The following AK3 variants were observed in gnomAD, a reference collection of about 807,000 sequenced individuals.
AK3 encodes the protein adenylate kinase 3.
AK3 carries 27 observed loss-of-function variants against 23.7 expected under a neutral mutation model. That is an observed-to-expected ratio of 1.14 (90% CI 0.84 to 1.57). The LOEUF (loss-of-function observed/expected upper bound fraction) is 1.57, where lower values mean the gene tolerates loss of function less well. Among genes scored for constraint, AK3 ranks in the 40% most tolerant of loss-of-function variants. The pLI, the probability that AK3 is intolerant of heterozygous loss-of-function variation, is 0.00. For synonymous variants in AK3, 159 were observed against 116.0 expected, an observed-to-expected ratio of 1.37 and a Z score of -2.38; for missense variants, 406 against 285.6, an observed-to-expected ratio of 1.42 and a Z score of -3.04.
intron 1 of AK3, among the ~76,000 whole-genome samples, chr9:4,728,294 G>A (rs7850522): frequency 0.5 from 75,480 of 152,090 alleles, 20,107 homozygotes; most frequent in East Asian, 0.74. Context: ...TGTTAGGCCA[G>A]GCACAATGGC....
chr9:4,741,062 C>G lies in AK3; in HGVS notation c.26G>C (p.Arg9Pro). Reference sequence around the variant, plus strand: ...GCCCGGGGCCCCCATGATCACCGCTCGCAGCAGCCGCGCGGACGCCCCCAT... The same window carrying G: ...GCCCGGGGCCCCCATGATCACCGCTGGCAGCAGCCGCGCGGACGCCCCCAT... MGASARLL[R>P]AVIMGAPGSG... is the part of the protein sequence containing the mutation. Residue 9 changes from arginine to proline, a missense_variant, in exon 1 of 5, where the codon CGA (arginine) becomes CCA (proline). Arg to Pro is a moderately radical substitution (Grantham distance 103). Coordinates refer to ENST00000381809, the MANE Select transcript of AK3 (RefSeq NM_016282.4). The G allele has an allele frequency of 1.3e-6, 2 of 1,555,730 alleles. No individual in the cohort carries two copies. The highest frequency in any genetic ancestry group is 1.2e-5 in the South Asian group (1 of 84,078).
At position 4,709,605 on chromosome 9, in the gene AK3, G is replaced by A. The variant is rs974407574; in HGVS notation, c.*3371C>T. 1.3e-5 allele frequency: 2 copies of A among 152,148 alleles called. No individual in the cohort carries two copies. Among genetic ancestry groups the A allele is most frequent in the Admixed American group, 1.3e-4 (2 of 15,264 alleles). The allele number at this position is 152,148 out of a possible 1,614,324, so 9.4% of individuals were successfully genotyped here. A position where few individuals can be genotyped will look rare whatever the true frequency, so the allele number is the denominator to read the frequency against. On this transcript the variant is annotated 3_prime_UTR_variant, in exon 5 of 5. Transcript: ENST00000381809. ...TTCAGTGCTATATATGGAAAAATCA[G>A]TGTTTATATTATTTAGTGAGCTAAA...
At chr9:4,721,848 T>C (rs1841905815) in intron 2 of AK3, among the ~76,000 whole-genome samples, 1 of 152,236 alleles carries the variant, frequency 6.6e-6, no homozygotes, top group African/African-American at 2.4e-5. Context: ...TCTACTAGAA[T>C]GTACTTTCCA....
rs191952056 is a variant in AK3, at chr9:4,734,402, C to T, written c.151+6535G>A. On this transcript the variant is annotated intron_variant, in intron 1 of 4. Coordinates refer to ENST00000381809, the MANE Select transcript of AK3 (RefSeq NM_016282.4). ...CCATCTGCCCTCCTGCTCCCATGCC[C>T]ACACTCTGTGAGCACCTAGTGAAAT... Among the ~76,000 whole-genome samples, 25 of 152,338 alleles carry T rather than the reference C, an allele frequency of 1.6e-4. No homozygotes were observed. The East Asian group carries it at 4.2e-3, about 26-fold the overall frequency.
chr9:4,737,820 C>T (rs1842333345), intron 1 of AK3, among the ~76,000 whole-genome samples: 2 of 152,192 alleles, frequency 1.3e-5, no homozygotes, highest in Non-Finnish European at 2.9e-5. Context: ...ACAGTTATTC[C>T]AGCTTTGCTA....
At chr9:4,735,411 A>G (rs1331042835) in intron 1 of AK3, among the ~76,000 whole-genome samples, 4 of 127,928 alleles carry the variant, frequency 3.1e-5, no homozygotes, top group African/African-American at 1.4e-4. Context: ...ATATATAAAT[A>G]TATATACATA....
At chr9:4,716,045 C>A (rs1306671285) in intron 4 of AK3, among the ~76,000 whole-genome samples, 2 of 152,104 alleles carry the variant, frequency 1.3e-5, no homozygotes, top group African/African-American at 4.8e-5. Context: ...GGAGGGCACA[C>A]CTGAGACTGA....
intron 4 of AK3, among the ~76,000 whole-genome samples, chr9:4,714,100 A>G (rs796102116): frequency 2.2e-5 from 2 of 91,338 alleles, no homozygotes; most frequent in African/African-American, 9.9e-5. Context: ...ACATATACAC[A>G]CCTACACATA....
chr9:4,722,019 A>G (rs959919775), intron 2 of AK3, among the ~76,000 whole-genome samples: 4 of 152,234 alleles, frequency 2.6e-5, no homozygotes, highest in African/African-American at 7.2e-5. Flanking sequence ...CCAAAAAAGG[A>G]TATTATGACT....
chr9:4,721,496 G>C (rs565549012), intron 2 of AK3, among the ~76,000 whole-genome samples: 23 of 150,260 alleles, frequency 1.5e-4, no homozygotes, highest in African/African-American at 5.1e-4. Context: ...ATCTCACTCT[G>C]TCACCCAGGC....
chr9:4,741,573 C>G (rs1214898110), upstream of AK3: 1 of 153,746 alleles, frequency 6.5e-6, no homozygotes, highest in Middle Eastern at 3.1e-3. Flanking sequence ...CCGCGCTCCC[C>G]TCTGTCCGAC....
At chr9:4,722,262 CAAAG>C (rs2130886205) in intron 2 of AK3, among the ~76,000 whole-genome samples, 1 of 152,260 alleles carries the variant, frequency 6.6e-6, no homozygotes, top group African/African-American at 2.4e-5. Flanking sequence ...AAAATATTCT[CAAAG>C]AAAGGGGAAA....
rs55840180 is a variant in AK3 at position 4,732,731 on chromosome 9, T to A, written c.151+8206A>T. The stretch of plus-strand genomic sequence containing the variant: ...ATAAAAAGCCATTTTAAATTCTGTA[T>A]CTCCCTTAAAAGTTTCATGTTACCC... On this transcript the variant is annotated intron_variant, in intron 1 of 4. Coordinates refer to ENST00000381809, the MANE Select transcript of AK3 (RefSeq NM_016282.4). Among the ~76,000 whole-genome samples the A allele has an allele frequency of 6.7e-3, 1,019 of 152,246 alleles. 8 individuals carry two copies. The highest frequency in any genetic ancestry group is 0.023 in the African/African-American group (973 of 41,540).
intron 4 of AK3, 132 bp downstream of exon 4, chr9:4,718,287 T>C: frequency 1.4e-6 from 1 of 693,686 alleles, no homozygotes; most frequent in Non-Finnish European, 2.6e-6. Flanking sequence ...AGCTAATGTA[T>C]TTCCTTTATT....
At position 4,741,088 on chromosome 9, in the gene AK3, G is replaced by A; in HGVS notation, c.-1C>T. The stretch of plus-strand genomic sequence containing the variant: ...GCAGCAGCCGCGCGGACGCCCCCAT[G>A]GCCGCAGACTGAGGCCCGCACCGCG... On this transcript the variant is annotated 5_prime_UTR_variant, in exon 1 of 5. Transcript: ENST00000381809. The A allele has an allele frequency of 6.5e-7, 1 of 1,533,578 alleles. No individual in the cohort carries two copies. The highest frequency in any genetic ancestry group is 8.8e-7 in the Non-Finnish European group (1 of 1,141,412). The allele number at this position is 1,533,578 out of a possible 1,614,324, so 95.0% of individuals were successfully genotyped here.
chr9:4,741,236 A>G, upstream of AK3: 1 of 902,948 alleles, frequency 1.1e-6, no homozygotes, highest in Non-Finnish European at 1.5e-6. Flanking sequence ...GTGAGCCGAC[A>G]GCCCCTGGGG....
At position 4,722,692 on chromosome 9, in the gene AK3, C is replaced by G. The variant is rs369322522; in HGVS notation, c.152-67G>C. Reference sequence around the variant, plus strand: ...TTATCCCATTCCAGGCACCTCGGAACGAGTTGCCTAAAGGGGAAGTCTGAA... The same window carrying G: ...TTATCCCATTCCAGGCACCTCGGAAGGAGTTGCCTAAAGGGGAAGTCTGAA... On this transcript the variant is annotated intron_variant, in intron 1 of 4. Transcript: ENST00000381809. The G allele has an allele frequency of 2.2e-5, 35 of 1,599,964 alleles. No homozygotes were observed. The African/African-American group carries it at 3.5e-4, about 16-fold the overall frequency.
At chr9:4,728,250 G>A (rs764856858) in intron 1 of AK3, among the ~76,000 whole-genome samples, 3 of 152,314 alleles carry the variant, frequency 2.0e-5, no homozygotes, top group African/African-American at 7.2e-5. Flanking sequence ...TACCTGTGAA[G>A]CACAATAAAA....
chr9:4,731,850 C>T (rs1271684680), intron 1 of AK3, among the ~76,000 whole-genome samples: 3 of 152,084 alleles, frequency 2.0e-5, no homozygotes, highest in East Asian at 1.9e-4. Flanking sequence ...CAAAACTGAC[C>T]CCTCCTCCTC....
Sources: gnomAD v4.1 joint callset for allele counts (sites outside exome capture counted in the v4.1 genomes callset) on GRCh38, gnomAD v4.1.1 for gene constraint, MANE v1.5 for transcripts, NCBI Gene and HGNC (gene_info 2026-07-23, HGNC 2026-07-21) for gene names.